Variants in C3orf49 observed in about 807,000 individuals in gnomAD.
C3orf49 encodes the protein chromosome 3 open reading frame 49.
Under a neutral mutation model 13.3 loss-of-function variants are expected in C3orf49, and 27 were observed. The observed-to-expected ratio is 2.02, with a 90% CI of 1.49 to 2.79. C3orf49 has a LOEUF of 2.79. C3orf49 is among the 30% of genes most tolerant of loss of function. The probability of loss-of-function intolerance (pLI) is 0.00; values close to 1 mark genes in which losing one functional copy is unlikely to be tolerated. For missense variants in C3orf49, 242 were observed against 134.2 expected, an observed-to-expected ratio of 1.80 and a Z score of -3.97; for synonymous variants, 87 against 47.6, an observed-to-expected ratio of 1.83 and a Z score of -3.40.
At chr3:63,783,686 C>T in the C3orf49 span, among the ~76,000 whole-genome samples, 1 of 151,496 alleles carries the variant, frequency 6.6e-6, no homozygotes, top group East Asian at 1.9e-4. Context: ...CCACTACACT[C>T]CAGCCTGGGC....
At chr3:63,800,150 G>A in the C3orf49 span, among the ~76,000 whole-genome samples, 1 of 152,102 alleles carries the variant, frequency 6.6e-6, no homozygotes, top group African/African-American at 2.4e-5. Flanking sequence ...TAAATGACTT[G>A]ATTGCCTCCA....
upstream of C3orf49, among the ~76,000 whole-genome samples, chr3:63,814,925 C>T (rs1217852288): frequency 1.3e-5 from 2 of 152,156 alleles, no homozygotes; most frequent in Non-Finnish European, 2.9e-5. Context: ...GTACAGGAAG[C>T]ATGGCACCAG....
chr3:63,797,504 G>C, the C3orf49 span, among the ~76,000 whole-genome samples: 1 of 152,038 alleles, frequency 6.6e-6, no homozygotes, highest in South Asian at 2.1e-4. Context: ...ACTTACAAAA[G>C]TGTAGGACTA....
intron 5 of C3orf49, chr3:63,836,427 A>G: frequency 6.9e-7 from 1 of 1,441,144 alleles, no homozygotes; most frequent in Non-Finnish European, 9.7e-7. Context: ...CAAAATGTGT[A>G]ATATCACAAA....
the C3orf49 span, chr3:63,780,028 T>A: frequency 6.6e-6 from 1 of 152,224 alleles, no homozygotes. Flanking sequence ...TTAGGGTACA[T>A]GTGCACAATG....
chr3:63,843,188 G>A (rs192816513), intron 5 of C3orf49, among the ~76,000 whole-genome samples: 5 of 152,106 alleles, frequency 3.3e-5, no homozygotes, highest in East Asian at 1.9e-4. Context: ...GCATGATCTC[G>A]GCTTACTGCA....
chr3:63,789,773 C>T, the C3orf49 span, among the ~76,000 whole-genome samples: 328 of 144,112 alleles, frequency 2.3e-3, 1 homozygote, highest in African/African-American at 7.8e-3. Flanking sequence ...ATGGCGCCAC[C>T]GCACTCTAGC....
the C3orf49 span, among the ~76,000 whole-genome samples, chr3:63,780,851 G>C: frequency 3.3e-5 from 5 of 152,124 alleles, no homozygotes; most frequent in Middle Eastern, 3.4e-3. Context: ...TATTTTTCTT[G>C]TAAATTTGTT....
chr3:63,842,956 A>AT lies in C3orf49; in HGVS notation c.850-2055dup, dbSNP rs529498406. On this transcript the variant is annotated intron_variant, in intron 5 of 6. Coordinates refer to ENST00000295896, the MANE Select transcript of C3orf49 (RefSeq NM_001355236.2). ...GCCATCATGCCTAGCTAATTTTTGTATTTTTTTTTTTTATAGAGACAGAGT... is the reference window on the plus strand; with the variant it reads ...GCCATCATGCCTAGCTAATTTTTGTATTTTTTTTTTTTTATAGAGACAGAGT... Among the ~76,000 whole-genome samples the AT allele has an allele frequency of 1.9e-3, 267 of 143,726 alleles. 1 individual carries two copies. Among genetic ancestry groups the AT allele is most frequent in the South Asian group, 2.0e-3 (9 of 4,526 alleles). 94.3% of individuals were successfully genotyped at this position (143,726 alleles called of 152,430 possible).
At chr3:63,784,183 T>C in the C3orf49 span, among the ~76,000 whole-genome samples, 2 of 152,218 alleles carry the variant, frequency 1.3e-5, no homozygotes, top group South Asian at 2.1e-4. Flanking sequence ...CCATGTTAGC[T>C]CCTTTGATTT....
upstream of C3orf49, among the ~76,000 whole-genome samples, chr3:63,816,285 C>T (rs1001553933): frequency 3.3e-5 from 5 of 151,908 alleles, no homozygotes; most frequent in African/African-American, 9.7e-5. Context: ...AATTCCATTT[C>T]CCTGAATAAA....
the C3orf49 span, among the ~76,000 whole-genome samples, chr3:63,808,974 T>TC: frequency 1.3e-5 from 2 of 152,126 alleles, no homozygotes; most frequent in African/African-American, 4.8e-5. Context: ...CTTTTTTTTT[T>TC]CTTTTGGTCT....
At chr3:63,785,065 C>CTTTTTTTTT in the C3orf49 span, among the ~76,000 whole-genome samples, 62 of 64,968 alleles carry the variant, frequency 9.5e-4, no homozygotes, top group Non-Finnish European at 1.3e-3. Flanking sequence ...TCTTCTTCTT[C>CTTTTTTTTT]TTTTTTTTTT....
the C3orf49 span, among the ~76,000 whole-genome samples, chr3:63,796,552 C>A: frequency 6.6e-6 from 1 of 152,104 alleles, no homozygotes; most frequent in Non-Finnish European, 1.5e-5. Flanking sequence ...TTCCTCGGGG[C>A]CTTTGTCAGC....
rs1157998040 is a variant in C3orf49, at chr3:63,831,853, C to T, written c.849+9C>T. The T allele has an allele frequency of 2.9e-6, 2 of 696,278 alleles. No homozygotes were observed. Among genetic ancestry groups the T allele is most frequent in the African/African-American group, 3.5e-5 (2 of 56,630 alleles). 43.1% of individuals were successfully genotyped at this position (696,278 alleles called of 1,614,324 possible). Reference sequence around the variant, plus strand: ...AGTATAAATTAAAAAATGTGTGTTTCCCATGTACCTGCTGCTGCTTCTGAC... The same window carrying T: ...AGTATAAATTAAAAAATGTGTGTTTTCCATGTACCTGCTGCTGCTTCTGAC... On this transcript the variant is annotated intron_variant, in intron 5 of 6. Transcript: ENST00000295896.
At chr3:63,813,380 T>C in the C3orf49 span, among the ~76,000 whole-genome samples, 1 of 152,192 alleles carries the variant, frequency 6.6e-6, no homozygotes, top group African/African-American at 2.4e-5. Flanking sequence ...GACATTTTGA[T>C]TCATATGTTG....
chr3:63,838,416 TTCATA>T, intron 5 of C3orf49: 1 of 1,590,742 alleles, frequency 6.3e-7, no homozygotes. Context: ...TTCTCTGAGA[TTCATA>T]TCATATACTA....
At chr3:63,843,163 G>A (rs1407963253) in intron 5 of C3orf49, among the ~76,000 whole-genome samples, 1 of 151,884 alleles carries the variant, frequency 6.6e-6, no homozygotes, top group Non-Finnish European at 1.5e-5. Context: ...CTTTCATCCA[G>A]GCTAGAGTAC....
chr3:63,788,635 C>T, the C3orf49 span, among the ~76,000 whole-genome samples: 2 of 151,392 alleles, frequency 1.3e-5, no homozygotes, highest in African/African-American at 4.9e-5. Flanking sequence ...AACCAGGAAA[C>T]AAAATAAGAC....
Sources: allele counts gnomAD v4.1 joint callset (sites outside exome capture counted in the v4.1 genomes callset), GRCh38; gene constraint gnomAD v4.1.1; transcripts MANE v1.5; gene names NCBI Gene and HGNC (gene_info 2026-07-23, HGNC 2026-07-21).